SLC25A41: variants seen among roughly 807,000 people sequenced by gnomAD.
The protein encoded by SLC25A41 is solute carrier family 25 member 41.
In SLC25A41, 35 loss-of-function variants were observed where a neutral mutation model predicts 34.7. The ratio of observed to expected loss-of-function variants is 1.01; its 90% CI spans 0.77 to 1.34. The LOEUF (loss-of-function observed/expected upper bound fraction) is 1.34, where lower values mean the gene tolerates loss of function less well. Ranked by LOEUF, SLC25A41 falls within the 40% of genes most tolerant of loss-of-function variation. The probability of loss-of-function intolerance (pLI) is 0.00; values close to 1 mark genes in which losing one functional copy is unlikely to be tolerated. For missense variants in SLC25A41, 492 were observed against 489.8 expected (o/e 1.00, Z -0.04); for synonymous variants, 190 against 209.9 (o/e 0.91, Z 0.82).
intron 6 of SLC25A41, 141 bp downstream of exon 6, chr19:6,426,962 A>G (rs1385378867): frequency 1.1e-6 from 1 of 904,636 alleles, no homozygotes; most frequent in East Asian, 2.7e-5. Context: ...TATTTTTGAG[A>G]CGCAGTCTCA....
At chr19:6,429,022 TTTATATATATATATATAATATATATA>T (rs1484371009) in intron 4 of SLC25A41, among the ~76,000 whole-genome samples, 5 of 27,976 alleles carry the variant, frequency 1.8e-4, no homozygotes, top group African/African-American at 8.0e-4. Flanking sequence ...GGCCTGAAAA[TTTATATATATATATATAATATATATA>T]TTATATATAT....
At chr19:6,430,868 C>T (rs59521718) in intron 2 of SLC25A41, among the ~76,000 whole-genome samples, 3,247 of 152,118 alleles carry the variant, frequency 0.021, 108 homozygotes, top group African/African-American at 0.076. Flanking sequence ...GGCCGGAATG[C>T]AGTGGTGCAA....
chr19:6,429,054 TATATGTTA>T (rs2092259752), intron 4 of SLC25A41, among the ~76,000 whole-genome samples: 2 of 53,482 alleles, frequency 3.7e-5, no homozygotes, highest in Non-Finnish European at 5.9e-5. Context: ...ATATATTATA[TATATGTTA>T]TATATATATA....
Position 6,429,031 on chromosome 19 carries a change from ATATATATAATATATATAT to A in SLC25A41, c.624+675_624+692del, listed in dbSNP as rs1900743191. 1.2e-4 allele frequency among the ~76,000 whole-genome samples: 5 copies of A among 43,150 alleles called. 1 individual carries two copies. The highest frequency in any genetic ancestry group is 9.1e-4 in the African/African-American group (5 of 5,496). 28.3% of individuals were successfully genotyped at this position (43,150 alleles called of 152,430 possible). On this transcript the variant is annotated intron_variant, in intron 4 of 6. Coordinates refer to ENST00000321510, the MANE Select transcript of SLC25A41 (RefSeq NM_173637.4). The stretch of plus-strand genomic sequence containing the variant: ...GTGTCTGGCCTGAAAATTTATATAT[ATATATATAATATATATAT>A]TATATATATGTTATATATATATATA...
intron 2 of SLC25A41, among the ~76,000 whole-genome samples, chr19:6,430,997 G>T (rs937183964): frequency 4.0e-5 from 6 of 151,556 alleles, no homozygotes; most frequent in African/African-American, 7.3e-5. Context: ...AAAATTTTTT[G>T]TATAGATGGG....
At chr19:6,433,808 C>T (rs1456977187), upstream of SLC25A41, 1 of 871,752 alleles carries the variant, frequency 1.1e-6, no homozygotes, top group Non-Finnish European at 1.7e-6. Context: ...AGGATGAAGT[C>T]ACAAACGCCC....
intron 6 of SLC25A41, 90 bp from the exon 7 acceptor site, chr19:6,426,651 G>T: frequency 1.4e-6 from 2 of 1,472,464 alleles, no homozygotes; most frequent in Non-Finnish European, 1.8e-6. Context: ...CTGAAGCCAC[G>T]GGTAGGGGCC....
At chr19:6,436,145 T>C (rs954413271), upstream of SLC25A41, 7 of 211,136 alleles carry the variant, frequency 3.3e-5, no homozygotes, top group South Asian at 4.6e-4. Flanking sequence ...CCGCCAAAGG[T>C]TGGCAGCTTA....
At chr19:6,430,352 A>G (rs145693135) in intron 2 of SLC25A41, among the ~76,000 whole-genome samples, 191 bp from the exon 3 acceptor site, 3 of 152,050 alleles carry the variant, frequency 2.0e-5, no homozygotes, top group East Asian at 3.9e-4. Flanking sequence ...CCCAAAGCCA[A>G]CATCAACCTA....
Position 6,429,144 on chromosome 19 carries a change from A to ATATGTTAT in SLC25A41, c.624+579_624+580insATAACATA, listed in dbSNP as rs1491568414. ...TTATATATATGTTATATATATATAT[A>ATATGTTAT]ATATATATATTATATATATAATATA... On this transcript the variant is annotated intron_variant, in intron 4 of 6. Coordinates refer to ENST00000321510, the MANE Select transcript of SLC25A41 (RefSeq NM_173637.4). Among the ~76,000 whole-genome samples the ATATGTTAT allele has an allele frequency of 6.5e-5, 2 of 30,712 alleles. 1 individual carries two copies. Among genetic ancestry groups the ATATGTTAT allele is most frequent in the Admixed American group, 1.6e-3 (2 of 1,230 alleles). 20.1% of individuals were successfully genotyped at this position (30,712 alleles called of 152,430 possible). A position where few individuals can be genotyped will look rare whatever the true frequency, so the allele number is the denominator to read the frequency against.
rs755534579 is a variant in SLC25A41 at position 6,432,030 on chromosome 19, C to G, written c.363+19G>C. 3 of 1,600,626 alleles carry G rather than the reference C, an allele frequency of 1.9e-6. No individual in the cohort carries two copies. Among genetic ancestry groups the G allele is most frequent in the Admixed American group, 1.7e-5 (1 of 58,626 alleles). On this transcript the variant is annotated intron_variant, in intron 2 of 6. Transcript: ENST00000321510. Reference sequence around the variant, plus strand: ...TGGCTCCAGCGCTGGGTCCCGTCCTCCCCCCAACCCACACAAACCTGCATG... The same window carrying G: ...TGGCTCCAGCGCTGGGTCCCGTCCTGCCCCCAACCCACACAAACCTGCATG...
At position 6,426,267 on chromosome 19, in the gene SLC25A41, GCTT is replaced by G; in HGVS notation, c.*119_*121del. The G allele has an allele frequency of 1.2e-5, 4 of 344,092 alleles. No individual in the cohort carries two copies. The highest frequency in any genetic ancestry group is 1.2e-5 in the Non-Finnish European group (3 of 247,924). 21.3% of individuals were successfully genotyped at this position (344,092 alleles called of 1,614,324 possible). On this transcript the variant is annotated 3_prime_UTR_variant, in exon 7 of 7. Transcript: ENST00000321510. ...AGAGCCCCACCCCCACCCCCAGCCT[GCTT>G]TTGCCACCAAAAACTGCCCCAGGGC...
intron 4 of SLC25A41, among the ~76,000 whole-genome samples, chr19:6,428,863 G>A (rs938278793): frequency 2.8e-5 from 4 of 142,842 alleles, no homozygotes; most frequent in East Asian, 2.0e-4. Flanking sequence ...ACAGGCATGC[G>A]CCACCACACC....
intron 4 of SLC25A41, among the ~76,000 whole-genome samples, chr19:6,429,521 A>AGGAGAAAGGAGGAGGAAAGAGGAGGAG (rs1434863340): frequency 0.017 from 351 of 20,612 alleles, 2 homozygotes; most frequent in African/African-American, 0.056. Context: ...GAGAGGAGGA[A>AGGAGAAAGGAGGAGGAAAGAGGAGGAG]GGAGAAAGGA....
Position 6,432,122 on chromosome 19 carries a change from A to C in SLC25A41, c.290T>G (p.Leu97Arg), listed in dbSNP as rs140875095. ...CACCGCCCCGGCCATAGCTCCTGAG[A>C]GTAGAAACTTCCACAAGGCCTCCTT... ...DNKEALWKFL[L>R]SGAMAGAVSR... The change falls in exon 2 of 7, where the codon CTC becomes CGC. Residue 97 changes from leucine to arginine, a missense_variant. Coordinates refer to ENST00000321510, the MANE Select transcript of SLC25A41 (RefSeq NM_173637.4). The C allele has an allele frequency of 6.2e-7, 1 of 1,613,922 alleles. No individual in the cohort carries two copies. The highest frequency in any genetic ancestry group is 8.5e-7 in the Non-Finnish European group (1 of 1,179,872).
In SLC25A41 at chr19:6,426,703, A is replaced by T. The variant is rs552344766; in HGVS notation, c.941-142T>A. 1.3e-4 allele frequency: 112 copies of T among 831,282 alleles called. No individual in the cohort carries two copies. The African/African-American group carries it at 1.9e-3, about 14-fold the overall frequency. 51.5% of individuals were successfully genotyped at this position (831,282 alleles called of 1,614,324 possible). ...AAACAGTTTGAAGAGTCTTAGAGGA[A>T]ATTGGTCAGTTTGAGGAGGAGTGGG... On this transcript the variant is annotated intron_variant, in intron 6 of 6. Coordinates refer to ENST00000321510, the MANE Select transcript of SLC25A41 (RefSeq NM_173637.4).
At position 6,427,648 on chromosome 19, in the gene SLC25A41, AT is replaced by A. The variant is rs1342337610; in HGVS notation, c.625-148del. 3.2e-6 allele frequency: 3 copies of A among 924,688 alleles called. No individual in the cohort carries two copies. Among genetic ancestry groups the A allele is most frequent in the Non-Finnish European group, 4.6e-6 (3 of 657,902 alleles). 57.3% of individuals were successfully genotyped at this position (924,688 alleles called of 1,614,324 possible). On this transcript the variant is annotated intron_variant, in intron 4 of 6. Coordinates refer to ENST00000321510, the MANE Select transcript of SLC25A41 (RefSeq NM_173637.4). The surrounding 1 kb of genome is among the most constrained non-coding windows in gnomAD (Gnocchi z 4.9). The stretch of plus-strand genomic sequence containing the variant: ...TTCAGACCCGGATCTGTCAGATTCC[AT>A]GGAATGCTCTCTGAATTTTGAGTTC...
chr19:6,429,512 A>AGGAGGGAGAAAG (rs2092274086), intron 4 of SLC25A41, among the ~76,000 whole-genome samples: 3 of 8,186 alleles, frequency 3.7e-4, no homozygotes, highest in African/African-American at 1.4e-3. Context: ...GAGGAGGAGG[A>AGGAGGGAGAAAG]GAGGAGGAAG....
intron 2 of SLC25A41, among the ~76,000 whole-genome samples, 177 bp downstream of exon 2, chr19:6,431,872 T>C (rs2092286820): frequency 6.6e-6 from 1 of 152,064 alleles, no homozygotes; most frequent in Non-Finnish European, 1.5e-5. Context: ...CTCCAAGCCA[T>C]GTCCACACCA....
Sources: allele counts gnomAD v4.1 joint callset (sites outside exome capture counted in the v4.1 genomes callset), GRCh38; gene constraint gnomAD v4.1.1; non-coding constraint Gnocchi (gnomAD v3.1); transcripts MANE v1.5; gene names NCBI Gene and HGNC (gene_info 2026-07-23, HGNC 2026-07-21).